RBM20: variants seen among roughly 807,000 people sequenced by gnomAD.
RBM20 encodes RNA-binding protein 20.
RBM20 carries 51 observed loss-of-function variants against 110.1 expected under a neutral mutation model. The observed-to-expected ratio is 0.46, with a 90% confidence interval of 0.37 to 0.59. The LOEUF (loss-of-function observed/expected upper bound fraction) is 0.59. RBM20 is among the 20% of genes least tolerant of loss of function. The pLI, the probability that RBM20 is intolerant of heterozygous loss-of-function variation, is 0.00. For synonymous variants in RBM20, 589 were observed against 618.2 expected (o/e 0.95, Z 0.70); for missense variants, 1,512 against 1,574.9 (o/e 0.96, Z 0.68).
At chr10:110,757,357 A>T (rs1224429848) in intron 1 of RBM20, among the ~76,000 whole-genome samples, 1 of 152,152 alleles carries the variant, frequency 6.6e-6, no homozygotes, top group African/African-American at 2.4e-5. Flanking sequence ...ATACTCCCTG[A>T]GTGTTTGGCC....
At position 110,821,909 on chromosome 10, in the gene RBM20, A is replaced by G; in HGVS notation, c.3290A>G (p.Gln1097Arg). The change falls in exon 11 of 14, where the codon CAA (glutamine) becomes CGA (arginine). Residue 1097 changes from glutamine to arginine, a missense_variant. Around this residue, in one of 3 missense-constraint regions of RBM20, gnomAD observed 358 missense variants for 384.2 expected, o/e 0.93. Coordinates refer to ENST00000369519, the MANE Select transcript of RBM20 (RefSeq NM_001134363.3). ...CCCATCGAAACTGACCTCCAAAACC[A>G]AGCTTGCCAAGAAGTGTTGACCCCG... ...SPPIETDLQNQACQEVLTPEN... is the reference protein window; with the variant it reads ...SPPIETDLQNRACQEVLTPEN... 1 of 1,551,588 alleles carries G rather than the reference A, an allele frequency of 6.4e-7. No homozygotes were observed. The highest frequency in any genetic ancestry group is 1.2e-5 in the South Asian group (1 of 84,054).
chr10:110,673,793 G>A (rs17127730), intron 1 of RBM20, among the ~76,000 whole-genome samples: 2,974 of 152,296 alleles, frequency 0.02, 87 homozygotes, highest in African/African-American at 0.064. Context: ...TTGTGTTTCA[G>A]GGATTGAAGT....
In RBM20 at chr10:110,723,806, G is replaced by T. The variant is rs915399671; in HGVS notation, c.192-56995G>T. ...ATTGTTGAGGTTTTTTAACCCTGTT[G>T]TACAGATGAGCACGGCCCTTCCTCT... On this transcript the variant is annotated intron_variant, in intron 1 of 13. Transcript: ENST00000369519. Among the ~76,000 whole-genome samples the T allele has an allele frequency of 2.6e-5, 4 of 152,278 alleles. No homozygotes were observed. The East Asian group carries it at 7.7e-4, about 29-fold the overall frequency.
intron 7 of RBM20, among the ~76,000 whole-genome samples, chr10:110,801,366 G>A (rs1243623596): frequency 6.6e-6 from 1 of 151,770 alleles, no homozygotes. Context: ...GGCAGAGGTT[G>A]CAGTGAGCCA....
At position 110,821,887 on chromosome 10, in the gene RBM20, A is replaced by T. The variant is rs371828469; in HGVS notation, c.3268A>T (p.Ile1090Phe). The change falls in exon 11 of 14, where the codon ATC becomes TTC. Residue 1090 changes from isoleucine to phenylalanine, a missense_variant. Coordinates refer to ENST00000369519, the MANE Select transcript of RBM20 (RefSeq NM_001134363.3). The part of the protein sequence containing the change: ...SPLEEKASPP[I>F]ETDLQNQACQ... ...CCTGGAGGAGAAAGCCAGCCCCCCC[A>T]TCGAAACTGACCTCCAAAACCAAGC... 2.1e-5 allele frequency: 33 copies of T among 1,551,686 alleles called. No individual in the cohort carries two copies. Among genetic ancestry groups the T allele is most frequent in the East Asian group, 1.7e-4 (7 of 40,914 alleles).
At position 110,670,255 on chromosome 10, in the gene RBM20, G is replaced by A. The variant is rs17127725; in HGVS notation, c.191+25610G>A. On this transcript the variant is annotated intron_variant, in intron 1 of 13. Transcript: ENST00000369519. ...TCCTTGCTTCAACTTGATTTCCTAG[G>A]GAGTCTAAAAGTTTCACACCTTGGA... Among the ~76,000 whole-genome samples, 1,279 of 152,108 alleles carry A rather than the reference G, an allele frequency of 8.4e-3. 51 individuals carry two copies. Among genetic ancestry groups the A allele is most frequent in the Admixed American group, 0.068 (1,044 of 15,276 alleles).
intron 1 of RBM20, among the ~76,000 whole-genome samples, chr10:110,740,822 G>A (rs575077692): frequency 6.6e-6 from 1 of 152,140 alleles, no homozygotes; most frequent in Non-Finnish European, 1.5e-5. Context: ...ATGCATGGAC[G>A]TCCATGTTAA....
intron 1 of RBM20, among the ~76,000 whole-genome samples, chr10:110,682,252 C>A (rs1862433966): frequency 6.6e-6 from 1 of 152,214 alleles, no homozygotes; most frequent in Non-Finnish European, 1.5e-5. Context: ...CATTCGTTGT[C>A]ATGTCTCCAT....
intron 1 of RBM20, among the ~76,000 whole-genome samples, chr10:110,672,828 G>C (rs1157406782): frequency 6.6e-6 from 1 of 152,224 alleles, no homozygotes. Context: ...GGAAAAACTC[G>C]TCATGGGTCC....
intron 1 of RBM20, among the ~76,000 whole-genome samples, chr10:110,663,252 C>G (rs1380019682): frequency 7.2e-5 from 11 of 152,160 alleles, no homozygotes; most frequent in Non-Finnish European, 1.5e-4. Flanking sequence ...GCCACCACAC[C>G]CAGCCATCAC....
chr10:110,720,365 C>T (rs887049341), intron 1 of RBM20, among the ~76,000 whole-genome samples: 2 of 152,212 alleles, frequency 1.3e-5, no homozygotes, highest in Non-Finnish European at 2.9e-5. Flanking sequence ...TGCTCAGGCC[C>T]TCACACCACC....
chr10:110,701,099 G>T (rs970409696), intron 1 of RBM20, among the ~76,000 whole-genome samples: 10 of 152,168 alleles, frequency 6.6e-5, no homozygotes, highest in African/African-American at 2.2e-4. Flanking sequence ...CAGACTCATT[G>T]CAAAGGAAAT....
At position 110,810,469 on chromosome 10, in the gene RBM20, C is replaced by T. The variant is rs2135100046; in HGVS notation, c.1880+7C>T. 2 of 1,545,096 alleles carry T rather than the reference C, an allele frequency of 1.3e-6. No individual in the cohort carries two copies. Among genetic ancestry groups the T allele is most frequent in the Middle Eastern group, 1.7e-4 (1 of 5,976 alleles). ...TGTTCCGGGAAGCAGACAGGTGAGG[C>T]CCCAAGCCCCAAGTCTCCAGGCAGG... On this transcript the variant is annotated splice_region_variant and intron_variant, in intron 8 of 13. Transcript: ENST00000369519.
At chr10:110,683,092 G>T (rs1488960049) in intron 1 of RBM20, among the ~76,000 whole-genome samples, 1 of 152,020 alleles carries the variant, frequency 6.6e-6, no homozygotes. Context: ...TCTAATTCTT[G>T]TGATCAAGAA....
chr10:110,838,276 A>G lies in RBM20; in HGVS notation c.*2298A>G, dbSNP rs1845158524. On this transcript the variant is annotated 3_prime_UTR_variant, in exon 14 of 14. Coordinates refer to ENST00000369519, the MANE Select transcript of RBM20 (RefSeq NM_001134363.3). The stretch of plus-strand genomic sequence containing the variant: ...AGGCCAACTAAGATCTTCAAAGTAA[A>G]TTTGTTGTAATTTTATCTTTTGAGA... 1 of 152,106 alleles carries G rather than the reference A, an allele frequency of 6.6e-6. No homozygotes were observed. Among genetic ancestry groups the G allele is most frequent in the African/African-American group, 2.4e-5 (1 of 41,414 alleles). 9.4% of individuals were successfully genotyped at this position (152,106 alleles called of 1,614,324 possible). A position where few individuals can be genotyped will look rare whatever the true frequency, so the allele number is the denominator to read the frequency against.
chr10:110,717,856 A>G (rs1187121579), intron 1 of RBM20, among the ~76,000 whole-genome samples: 1 of 152,290 alleles, frequency 6.6e-6, no homozygotes, highest in East Asian at 1.9e-4. Flanking sequence ...GCTCCATTGC[A>G]CTGGCCCCAC....
chr10:110,672,203 G>T (rs1196354198), intron 1 of RBM20, among the ~76,000 whole-genome samples: 1 of 152,212 alleles, frequency 6.6e-6, no homozygotes, highest in East Asian at 1.9e-4. Context: ...CTGCCACGAG[G>T]GAGGCGATGC....
At chr10:110,768,594 A>G (rs1590666108) in intron 1 of RBM20, among the ~76,000 whole-genome samples, 1 of 152,236 alleles carries the variant, frequency 6.6e-6, no homozygotes, top group Non-Finnish European at 1.5e-5. Flanking sequence ...TTCTGGTAAG[A>G]TCTACATTCC....
rs564830800 is a variant in RBM20 at position 110,676,006 on chromosome 10, G to A, written c.191+31361G>A. On this transcript the variant is annotated intron_variant, in intron 1 of 13. Coordinates refer to ENST00000369519, the MANE Select transcript of RBM20 (RefSeq NM_001134363.3). ...TGAGGGTGGACATGATTTAGGTAGA[G>A]TTTACTTGGTAGTCACCTGCAATGA... Among the ~76,000 whole-genome samples, 10 of 152,320 alleles carry A rather than the reference G, an allele frequency of 6.6e-5. No homozygotes were observed. The South Asian group carries it at 2.1e-3, about 32-fold the overall frequency.
Sources: gnomAD v4.1 joint callset for allele counts (sites outside exome capture counted in the v4.1 genomes callset) on GRCh38, gnomAD v4.1.1 for gene constraint, gnomAD v4.1.1 regional missense constraint, MANE v1.5 for transcripts, NCBI Gene and HGNC (gene_info 2026-07-23, HGNC 2026-07-21) for gene names.